Variants in PFKFB3 observed in about 807,000 individuals in gnomAD.
PFKFB3 encodes 6-phosphofructo-2-kinase/fructose-2,6-biphosphatase 3.
PFKFB3 carries 33 observed loss-of-function variants against 68.0 expected under a neutral mutation model. The ratio of observed to expected loss-of-function variants is 0.49; its 90% CI spans 0.37 to 0.65. The LOEUF (loss-of-function observed/expected upper bound fraction) is 0.65. PFKFB3 is among the 30% of genes least tolerant of loss of function. The pLI, the probability that PFKFB3 is intolerant of heterozygous loss-of-function variation, is 0.00. For synonymous variants in PFKFB3, 315 were observed against 288.2 expected (o/e 1.09, Z -0.94); for missense variants, 586 against 712.2 (o/e 0.82, Z 2.02).
At chr10:6,202,902 T>C (rs1843424469), upstream of PFKFB3, 2 of 1,149,932 alleles carry the variant, frequency 1.7e-6, no homozygotes, top group Non-Finnish European at 2.1e-6. Flanking sequence ...GCCCGGACTC[T>C]TTAAAAGCCG....
At chr10:6,243,104 G>A (rs749819933) in intron 14 of PFKFB3, among the ~76,000 whole-genome samples, 2 of 152,190 alleles carry the variant, frequency 1.3e-5, no homozygotes, top group South Asian at 2.1e-4. Context: ...CCCTACCAGA[G>A]CTAACGTCTA....
the PFKFB3 span, among the ~76,000 whole-genome samples, chr10:6,275,947 C>T: frequency 9.2e-5 from 14 of 152,168 alleles, no homozygotes; most frequent in Non-Finnish European, 1.6e-4. This position sits in a 1 kb window ranked among gnomAD's most constrained non-coding sequence, Gnocchi z 4.9. Flanking sequence ...AGGCTTTCTT[C>T]ATGCTGGAGT....
At chr10:6,213,046 C>T (rs1224970406) in intron 1 of PFKFB3, among the ~76,000 whole-genome samples, 1 of 152,146 alleles carries the variant, frequency 6.6e-6, no homozygotes, top group Admixed American at 6.5e-5. Context: ...ACTGTGGTGT[C>T]AGTCACTGGT....
In PFKFB3 at chr10:6,215,533, C is replaced by T. The variant is rs1384854786; in HGVS notation, c.299+216C>T. ...GTAGGAGGCAGAGAAAGCCGGCCTGCGGGTGGGTCCTGCTGGTGGCTTCAG... is the reference window on the plus strand; with the variant it reads ...GTAGGAGGCAGAGAAAGCCGGCCTGTGGGTGGGTCCTGCTGGTGGCTTCAG... On this transcript the variant is annotated intron_variant, in intron 3 of 14. Coordinates refer to ENST00000379775, the MANE Select transcript of PFKFB3 (RefSeq NM_004566.4). This position sits in a 1 kb window ranked among gnomAD's most constrained non-coding sequence, Gnocchi z 4.3. 3.3e-5 allele frequency among the ~76,000 whole-genome samples: 5 copies of T among 152,220 alleles called. No individual in the cohort carries two copies. In the South Asian group the frequency reaches 8.3e-4, roughly 25 times the overall value.
chr10:6,297,659 C>T, the PFKFB3 span, among the ~76,000 whole-genome samples: 7 of 152,292 alleles, frequency 4.6e-5, no homozygotes, highest in East Asian at 1.4e-3. Context: ...TGGGAACTGT[C>T]TCAGGAATGT....
chr10:6,237,762 C>T (rs988004710), downstream of PFKFB3, among the ~76,000 whole-genome samples: 3 of 152,156 alleles, frequency 2.0e-5, no homozygotes, highest in Admixed American at 6.5e-5. Flanking sequence ...GATGAGGTTT[C>T]GCCATGTTGC....
At chr10:6,165,769 C>T (rs930879274) in intron 1 of PFKFB3, among the ~76,000 whole-genome samples, 10 of 151,896 alleles carry the variant, frequency 6.6e-5, no homozygotes, top group African/African-American at 2.4e-4. Flanking sequence ...TATTTCATCA[C>T]CTAGGTATAA....
chr10:6,179,068 G>A (rs1349471358), intron 1 of PFKFB3, among the ~76,000 whole-genome samples: 3 of 152,350 alleles, frequency 2.0e-5, no homozygotes, highest in Non-Finnish European at 4.4e-5. Context: ...TGCCCAACAC[G>A]TGCCTGCCGT....
the PFKFB3 span, among the ~76,000 whole-genome samples, chr10:6,301,191 A>G: frequency 1.3e-5 from 2 of 152,134 alleles, no homozygotes; most frequent in Admixed American, 6.6e-5. Context: ...TGGGCTTTTC[A>G]TTATCTCAAT....
upstream of PFKFB3, among the ~76,000 whole-genome samples, chr10:6,201,914 C>G (rs1433878380): frequency 6.6e-6 from 1 of 152,192 alleles, no homozygotes; most frequent in Non-Finnish European, 1.5e-5. The surrounding 1 kb of genome is among the most constrained non-coding windows in gnomAD (Gnocchi z 4.1). Flanking sequence ...CTGGTGCAAA[C>G]TGCGAGGGCC....
chr10:6,275,771 C>A, the PFKFB3 span, among the ~76,000 whole-genome samples: 1 of 152,116 alleles, frequency 6.6e-6, no homozygotes. This position sits in a 1 kb window ranked among gnomAD's most constrained non-coding sequence, Gnocchi z 4.9. Flanking sequence ...TGGGCCACCA[C>A]GCCCGGCTAA....
intron 1 of PFKFB3, among the ~76,000 whole-genome samples, chr10:6,191,847 C>T (rs780740247): frequency 1.0e-3 from 157 of 152,216 alleles, no homozygotes; most frequent in African/African-American, 1.7e-3. Context: ...CTGTCACAGC[C>T]TTGTTCCTTC....
At chr10:6,174,260 C>T (rs1403739632) in intron 1 of PFKFB3, among the ~76,000 whole-genome samples, 1 of 152,194 alleles carries the variant, frequency 6.6e-6, no homozygotes, top group African/African-American at 2.4e-5. Context: ...GCCAATGACC[C>T]AGGCCTGTTT....
chr10:6,212,922 G>T (rs1358138160), intron 1 of PFKFB3, among the ~76,000 whole-genome samples: 39 of 152,100 alleles, frequency 2.6e-4, no homozygotes, highest in Non-Finnish European at 2.9e-5. Context: ...CTGGGCCCCA[G>T]CCCCTGCCCC....
chr10:6,305,141 C>T, the PFKFB3 span, among the ~76,000 whole-genome samples: 1 of 140,196 alleles, frequency 7.1e-6, no homozygotes, highest in African/African-American at 2.6e-5. Flanking sequence ...GGATTGCAAG[C>T]GTGAGCCACC....
intron 14 of PFKFB3, among the ~76,000 whole-genome samples, chr10:6,242,840 G>A (rs1024829293): frequency 2.0e-5 from 3 of 152,130 alleles, no homozygotes; most frequent in East Asian, 1.9e-4. Flanking sequence ...CGCCCACCTC[G>A]GCCTCTCAAA....
the PFKFB3 span, among the ~76,000 whole-genome samples, chr10:6,302,404 C>A: frequency 4.7e-4 from 39 of 83,352 alleles, no homozygotes; most frequent in African/African-American, 2.1e-3. Flanking sequence ...TTTTTTGAGA[C>A]GGAGTCTTGT....
At chr10:6,185,326 C>T (rs1356595192) in intron 1 of PFKFB3, among the ~76,000 whole-genome samples, 1 of 152,236 alleles carries the variant, frequency 6.6e-6, no homozygotes, top group Non-Finnish European at 1.5e-5. Context: ...TTCCACTCAT[C>T]CGCTTACTCA....
chr10:6,146,373 A>G lies in PFKFB3; in HGVS notation c.16+1360A>G, dbSNP rs752840290. The G allele has an allele frequency of 4.8e-5, 73 of 1,535,020 alleles. 2 individuals are homozygous for G. In the South Asian group the frequency reaches 8.7e-4, roughly 18 times the overall value. ...GCTGACTCTCCTGTCCCGTTGGGGT[A>G]GAGAGATGGGGGAGGGTGGCCAGAA... On this transcript the variant is annotated intron_variant, in intron 1 of 14. Transcript: ENST00000379789.
Sources: allele counts gnomAD v4.1 joint callset (sites outside exome capture counted in the v4.1 genomes callset), GRCh38; gene constraint gnomAD v4.1.1; non-coding constraint Gnocchi (gnomAD v3.1); transcripts MANE v1.5; gene names NCBI Gene and HGNC (gene_info 2026-07-23, HGNC 2026-07-21).